Variants in STARD13 observed in about 807,000 individuals in gnomAD.
STARD13 encodes stAR-related lipid transfer protein 13.
STARD13 carries 62 observed loss-of-function variants against 106.4 expected under a neutral mutation model. The ratio of observed to expected loss-of-function variants is 0.58; its 90% CI spans 0.48 to 0.72. The LOEUF (loss-of-function observed/expected upper bound fraction) is 0.72. Among genes scored for constraint, STARD13 ranks in the 30% least tolerant of loss-of-function variants. The pLI is 0.00. For missense variants in STARD13, 1,387 were observed against 1,424.0 expected (o/e 0.97, Z 0.42); for synonymous variants, 565 against 553.0 (o/e 1.02, Z -0.31).
At chr13:33,537,645 C>T in the STARD13 span, among the ~76,000 whole-genome samples, 7 of 152,030 alleles carry the variant, frequency 4.6e-5, no homozygotes, top group Admixed American at 1.3e-4. Flanking sequence ...AAATCAAATC[C>T]ACTCTCGGGC....
chr13:33,326,174 T>C (rs578218188), intron 1 of STARD13, among the ~76,000 whole-genome samples: 1 of 152,096 alleles, frequency 6.6e-6, no homozygotes, highest in East Asian at 1.9e-4. Flanking sequence ...AATCACAGGA[T>C]GTAGAGAATC....
At chr13:33,530,433 T>C in the STARD13 span, among the ~76,000 whole-genome samples, 235 of 152,224 alleles carry the variant, frequency 1.5e-3, 1 homozygote, top group African/African-American at 5.3e-3. Context: ...TGTGCATCCT[T>C]AGGCATTAAA....
intron 1 of STARD13, among the ~76,000 whole-genome samples, chr13:33,237,649 A>G (rs1460592115): frequency 6.6e-6 from 1 of 152,128 alleles, no homozygotes; most frequent in Non-Finnish European, 1.5e-5. Flanking sequence ...TTGATTAAAA[A>G]CTTCCCATCT....
chr13:33,152,064 C>T (rs1449363290), intron 3 of STARD13, among the ~76,000 whole-genome samples: 1 of 152,186 alleles, frequency 6.6e-6, no homozygotes, highest in Non-Finnish European at 1.5e-5. Flanking sequence ...TTTAGGGGCC[C>T]TGTCACATTC....
At chr13:33,494,287 T>C in the STARD13 span, among the ~76,000 whole-genome samples, 2 of 152,168 alleles carry the variant, frequency 1.3e-5, no homozygotes, top group African/African-American at 4.8e-5. Context: ...GGGGCACTTA[T>C]TGCCATTAAT....
At chr13:33,631,360 G>T in the STARD13 span, among the ~76,000 whole-genome samples, 1 of 152,160 alleles carries the variant, frequency 6.6e-6, no homozygotes, top group Non-Finnish European at 1.5e-5. Context: ...AACCAAAATT[G>T]TCCGGAGTAT....
At chr13:33,574,149 T>G in the STARD13 span, among the ~76,000 whole-genome samples, 1 of 152,200 alleles carries the variant, frequency 6.6e-6, no homozygotes, top group Non-Finnish European at 1.5e-5. Flanking sequence ...GCTGCGGATG[T>G]GTCTTGCTTC....
chr13:33,400,403 A>T, the STARD13 span, among the ~76,000 whole-genome samples: 3 of 151,904 alleles, frequency 2.0e-5, no homozygotes, highest in Non-Finnish European at 2.9e-5. Flanking sequence ...TTGTTTCCAT[A>T]TCTTGCCTGT....
the STARD13 span, among the ~76,000 whole-genome samples, chr13:33,600,783 G>A: frequency 6.6e-6 from 1 of 152,122 alleles, no homozygotes; most frequent in Non-Finnish European, 1.5e-5. Flanking sequence ...CATTTCATAT[G>A]TGTGTGACCA....
At chr13:33,405,353 TGTAGCCCCTC>T in the STARD13 span, among the ~76,000 whole-genome samples, 1 of 152,230 alleles carries the variant, frequency 6.6e-6, no homozygotes, top group Non-Finnish European at 1.5e-5. Context: ...GGGCTGAGTG[TGTAGCCCCTC>T]GTAGCCCCTC....
At chr13:33,189,475 C>T in intron 1 of STARD13, among the ~76,000 whole-genome samples, 1 of 146,204 alleles carries the variant, frequency 6.8e-6, no homozygotes, top group African/African-American at 2.5e-5. Context: ...AAGGGACTCT[C>T]TGGTTTGTCG....
Position 33,341,949 on chromosome 13 carries a change from C to T in STARD13, c.124+8341G>A, listed in dbSNP as rs918501659. Among the ~76,000 whole-genome samples the T allele has an allele frequency of 7.2e-5, 11 of 152,024 alleles. No homozygotes were observed. In the East Asian group the frequency reaches 2.1e-3, roughly 30 times the overall value. ...GAATTACAGGCATATCCCCACCATA[C>T]CCGGCTAATTTTTGTATTTTTAGTA... On this transcript the variant is annotated intron_variant, in intron 1 of 5. Transcript: ENST00000567873.
At chr13:33,350,495 A>T in exon 1 of STARD13, 1 of 1,475,764 alleles carries the variant, frequency 6.8e-7, no homozygotes, top group Non-Finnish European at 9.0e-7. Flanking sequence ...CGGCGACTGG[A>T]AAGGACGGAC....
chr13:33,361,406 G>A, the STARD13 span, among the ~76,000 whole-genome samples: 1 of 152,130 alleles, frequency 6.6e-6, no homozygotes, highest in Non-Finnish European at 1.5e-5. Flanking sequence ...CAAATTAACA[G>A]TAGGCTATTC....
chr13:33,532,087 C>G, the STARD13 span, among the ~76,000 whole-genome samples: 14 of 152,234 alleles, frequency 9.2e-5, no homozygotes, highest in African/African-American at 3.1e-4. Flanking sequence ...CAGCTCAGCA[C>G]AGTCTATAGG....
the STARD13 span, among the ~76,000 whole-genome samples, chr13:33,646,045 G>T: frequency 5.6e-4 from 85 of 152,226 alleles, no homozygotes; most frequent in Non-Finnish European, 1.0e-3. Context: ...TTTTTAACAC[G>T]GACAAAAAGC....
chr13:33,658,132 G>C, the STARD13 span: 1 of 152,450 alleles, frequency 6.6e-6, no homozygotes, highest in Non-Finnish European at 1.5e-5. Flanking sequence ...GATGACTCTA[G>C]GTACCTCGTT....
At chr13:33,516,115 T>C in the STARD13 span, among the ~76,000 whole-genome samples, 125 of 149,378 alleles carry the variant, frequency 8.4e-4, no homozygotes, top group African/African-American at 3.0e-3. Context: ...TAACTTTGTA[T>C]ATATAACACT....
the STARD13 span, among the ~76,000 whole-genome samples, chr13:33,586,749 A>G: frequency 9.3e-5 from 14 of 149,880 alleles, no homozygotes; most frequent in African/African-American, 3.5e-4. Flanking sequence ...ACAGCAAGCT[A>G]TGACCCTGAT....
Sources: gnomAD v4.1 joint callset for allele counts (sites outside exome capture counted in the v4.1 genomes callset) on GRCh38, gnomAD v4.1.1 for gene constraint, MANE v1.5 for transcripts, NCBI Gene and HGNC (gene_info 2026-07-23, HGNC 2026-07-21) for gene names.